Variants in TOX2 observed in about 807,000 individuals in gnomAD.
The protein encoded by TOX2 is granulosa cell HMG box 1.
A neutral mutation model predicts 47.4 loss-of-function variants in TOX2; 15 were observed. The observed-to-expected ratio is 0.32, with a 90% CI of 0.21 to 0.49. TOX2 has a LOEUF of 0.49. TOX2 is among the 20% of genes least tolerant of loss of function. The pLI is 0.99. For synonymous variants in TOX2, 290 were observed against 296.6 expected (o/e 0.98, Z 0.23); for missense variants, 622 against 673.1 (o/e 0.92, Z 0.84).
chr20:44,006,576 A>T lies in TOX2; in HGVS notation c.195A>T (p.Glu65Asp). The change falls in exon 3 of 9, where the codon GAA becomes GAT. Residue 65 changes from glutamate to aspartate, a missense_variant. Physicochemically the swap from Glu to Asp is conservative, Grantham distance 45. Coordinates refer to ENST00000341197, the MANE Select transcript of TOX2 (RefSeq NM_001098797.2). ...QTYNGQSENNEDYEIPPITPP... is the reference protein window; with the variant it reads ...QTYNGQSENNDDYEIPPITPP... ...ACAACGGCCAGAGCGAGAACAACGA[A>T]GACTATGAGATCCCCCCGATAACAC... 6.2e-7 allele frequency: 1 copy of T among 1,613,842 alleles called. No homozygotes were observed. Among genetic ancestry groups the T allele is most frequent in the Non-Finnish European group, 8.5e-7 (1 of 1,179,994 alleles).
chr20:44,033,590 C>T (rs1048782802), intron 3 of TOX2, among the ~76,000 whole-genome samples: 29 of 151,592 alleles, frequency 1.9e-4, no homozygotes, highest in African/African-American at 7.0e-4. Flanking sequence ...GCCCAACAGA[C>T]AGAACCACTG....
intron 1 of TOX2, among the ~76,000 whole-genome samples, chr20:43,939,625 G>A (rs1053785902): frequency 2.0e-5 from 3 of 152,320 alleles, no homozygotes; most frequent in South Asian, 4.1e-4. Flanking sequence ...GAAGATAAGC[G>A]AGGGTTCATT....
chr20:44,064,219 G>C (rs887342945), intron 5 of TOX2, among the ~76,000 whole-genome samples: 3 of 152,060 alleles, frequency 2.0e-5, no homozygotes, highest in Non-Finnish European at 2.9e-5. Context: ...TTGTCTTATT[G>C]GCCAACACAA....
intron 1 of TOX2, among the ~76,000 whole-genome samples, chr20:43,960,723 G>A (rs2069744020): frequency 6.6e-6 from 1 of 152,186 alleles, no homozygotes; most frequent in East Asian, 1.9e-4. Flanking sequence ...ATTTTTGGAA[G>A]CTTTTTGAGG....
chr20:44,059,140 G>A (rs1440820476), intron 5 of TOX2, among the ~76,000 whole-genome samples: 1 of 152,144 alleles, frequency 6.6e-6, no homozygotes, highest in African/African-American at 2.4e-5. Flanking sequence ...TACAGCATAT[G>A]AATGGAAAAA....
At chr20:44,039,600 C>G (rs2071299969) in intron 3 of TOX2, among the ~76,000 whole-genome samples, 1 of 152,094 alleles carries the variant, frequency 6.6e-6, no homozygotes, top group African/African-American at 2.4e-5. Flanking sequence ...CCAGGAAGCC[C>G]TTGGAGGGAA....
intron 2 of TOX2, among the ~76,000 whole-genome samples, chr20:43,993,753 A>G (rs1204512073): frequency 6.6e-6 from 1 of 152,262 alleles, no homozygotes; most frequent in Non-Finnish European, 1.5e-5. Context: ...TATGACTCAC[A>G]AAGCCAAAAA....
chr20:43,931,877 T>C (rs948872753), intron 1 of TOX2, among the ~76,000 whole-genome samples: 1 of 152,204 alleles, frequency 6.6e-6, no homozygotes, highest in African/African-American at 2.4e-5. Context: ...ACACTAGCCA[T>C]ATTTCGAGTA....
chr20:44,048,415 T>TATATATATATATATATATATAA (rs2071452653), intron 3 of TOX2, among the ~76,000 whole-genome samples: 3 of 129,366 alleles, frequency 2.3e-5, no homozygotes, highest in Non-Finnish European at 4.9e-5. Flanking sequence ...TATATATATG[T>TATATATATATATATATATATAA]ATAATTTACC....
At chr20:44,056,444 C>T (rs958786932) in intron 5 of TOX2, among the ~76,000 whole-genome samples, 2 of 152,064 alleles carry the variant, frequency 1.3e-5, no homozygotes, top group African/African-American at 4.8e-5. Flanking sequence ...ATTTCCTTGC[C>T]GTTTTATACA....
At position 44,038,311 on chromosome 20, in the gene TOX2, G is replaced by A. The variant is rs937859568; in HGVS notation, c.412-12995G>A. 1.5e-4 allele frequency among the ~76,000 whole-genome samples: 23 copies of A among 152,232 alleles called. No individual in the cohort carries two copies. In the East Asian group the frequency reaches 3.3e-3, roughly 22 times the overall value. ...CTTGGGAGGCTGAGGTGGGAGGATC[G>A]CCTGAGCCTGGGAGGTGGAGGCTGC... On this transcript the variant is annotated intron_variant, in intron 3 of 8. Transcript: ENST00000341197.
At chr20:43,998,723 CTATCT>C (rs1346950149) in intron 2 of TOX2, among the ~76,000 whole-genome samples, 2 of 132,528 alleles carry the variant, frequency 1.5e-5, no homozygotes, top group African/African-American at 2.7e-5. Flanking sequence ...CCTGATACAT[CTATCT>C]ATCTATCTAT....
intron 2 of TOX2, among the ~76,000 whole-genome samples, chr20:43,997,573 C>T (rs2070501516): frequency 6.6e-6 from 1 of 151,696 alleles, no homozygotes; most frequent in Non-Finnish European, 1.5e-5. Flanking sequence ...GTCAGTGGTT[C>T]CTTATTTTAT....
intron 3 of TOX2, among the ~76,000 whole-genome samples, chr20:44,024,751 GTCTTA>G (rs958147458): frequency 2.6e-5 from 4 of 152,034 alleles, no homozygotes; most frequent in Admixed American, 2.0e-4. Context: ...TATCTTTTCA[GTCTTA>G]TCTTTGTGCA....
intron 1 of TOX2, among the ~76,000 whole-genome samples, chr20:43,969,920 C>T (rs978528990): frequency 3.9e-5 from 6 of 152,160 alleles, no homozygotes; most frequent in Non-Finnish European, 7.3e-5. Context: ...AATCCACTGC[C>T]CACCCCCTTG....
intron 1 of TOX2, among the ~76,000 whole-genome samples, chr20:43,926,355 G>T (rs550631929): frequency 6.6e-6 from 1 of 152,204 alleles, no homozygotes; most frequent in Admixed American, 6.5e-5. Flanking sequence ...ATCCAAATGT[G>T]ACTTTGAGTT....
At chr20:44,053,279 G>C (rs1395579127) in intron 4 of TOX2, among the ~76,000 whole-genome samples, 2 of 152,236 alleles carry the variant, frequency 1.3e-5, no homozygotes, top group East Asian at 3.9e-4. Context: ...GGCTGACGCA[G>C]TAACAGTCGC....
rs1277584494 is a variant in TOX2, at chr20:43,916,116, C to T, written c.99+1126C>T. The T allele has an allele frequency of 4.1e-6, 4 of 985,356 alleles. No homozygotes were observed. The highest frequency in any genetic ancestry group is 3.5e-5 in the African/African-American group (2 of 57,262). 61.0% of individuals were successfully genotyped at this position (985,356 alleles called of 1,614,324 possible). On this transcript the variant is annotated intron_variant, in intron 1 of 8. Transcript: ENST00000341197. This position sits in a 1 kb window ranked among gnomAD's most constrained non-coding sequence, Gnocchi z 5.0. ...CGGTCCCGGGCCGGCTGGAGCCAAG[C>T]GCGGGTTTTCGTCACTCGGAGCCCG...
rs181607204 is a variant in TOX2 at position 43,956,190 on chromosome 20, C to A, written c.100-17177C>A. 2.2e-3 allele frequency among the ~76,000 whole-genome samples: 333 copies of A among 152,300 alleles called. 1 individual carries two copies. The highest frequency in any genetic ancestry group is 7.3e-3 in the African/African-American group (303 of 41,566). On this transcript the variant is annotated intron_variant, in intron 1 of 8. Coordinates refer to ENST00000341197, the MANE Select transcript of TOX2 (RefSeq NM_001098797.2). ...TCTAGGCCCCACGAACCTGGCTTCC[C>A]ATCTACTTATCACCCACCCATATTC...
Sources: allele counts gnomAD v4.1 joint callset (sites outside exome capture counted in the v4.1 genomes callset), GRCh38; gene constraint gnomAD v4.1.1; non-coding constraint Gnocchi (gnomAD v3.1); transcripts MANE v1.5; gene names NCBI Gene and HGNC (gene_info 2026-07-23, HGNC 2026-07-21).